Variants in CADM2 observed in about 807,000 individuals in gnomAD.
The protein encoded by CADM2 is cell adhesion molecule 2, also known as immunoglobulin superfamily member 4D.
A neutral mutation model predicts 49.8 loss-of-function variants in CADM2; 12 were observed. That is an observed-to-expected ratio of 0.24 (90% CI 0.15 to 0.39). CADM2 has a LOEUF of 0.39. Among genes scored for constraint, CADM2 ranks in the 10% least tolerant of loss-of-function variants. The pLI is 1.00. For missense variants in CADM2, 378 were observed against 492.3 expected (o/e 0.77, Z 2.20); for synonymous variants, 214 against 175.4 (o/e 1.22, Z -1.74).
intron 1 of CADM2, among the ~76,000 whole-genome samples, chr3:85,052,075 A>C (rs772877993): frequency 6.6e-6 from 1 of 152,178 alleles, no homozygotes; most frequent in Non-Finnish European, 1.5e-5. Flanking sequence ...TGAATATAAA[A>C]TCTAGAGGAG....
At chr3:85,426,776 T>C (rs2036426872) in intron 1 of CADM2, among the ~76,000 whole-genome samples, 1 of 152,088 alleles carries the variant, frequency 6.6e-6, no homozygotes. Context: ...GTAGAGGAAG[T>C]CTGGGAAAAG....
chr3:85,151,038 A>G (rs368841167), intron 1 of CADM2, among the ~76,000 whole-genome samples: 146 of 152,112 alleles, frequency 9.6e-4, no homozygotes, highest in Non-Finnish European at 1.8e-3. Flanking sequence ...GAATTTTGGA[A>G]TTTTCTTCCA....
intron 1 of CADM2, among the ~76,000 whole-genome samples, chr3:85,228,731 G>C (rs2042217233): frequency 6.6e-6 from 1 of 152,038 alleles, no homozygotes. Flanking sequence ...TTGCCAGCTA[G>C]AGCTCTCCTG....
intron 1 of CADM2, among the ~76,000 whole-genome samples, chr3:85,501,368 A>G (rs1439002689): frequency 6.6e-6 from 1 of 152,184 alleles, no homozygotes; most frequent in Non-Finnish European, 1.5e-5. Flanking sequence ...GATGCAGAGT[A>G]AACCATTTTC....
At chr3:85,588,773 G>C (rs1304559207) in intron 1 of CADM2, among the ~76,000 whole-genome samples, 3 of 151,878 alleles carry the variant, frequency 2.0e-5, no homozygotes, top group Non-Finnish European at 4.4e-5. Context: ...TCAGCATCAG[G>C]GCAGACACTC....
chr3:85,688,111 G>A (rs1351182309), intron 1 of CADM2, among the ~76,000 whole-genome samples: 2 of 152,174 alleles, frequency 1.3e-5, no homozygotes, highest in South Asian at 2.1e-4. Flanking sequence ...ACCAGTCCTC[G>A]GTGCCAAAAT....
chr3:85,979,424 G>A lies in CADM2; in HGVS notation c.970+17777G>A, dbSNP rs1420353632. The A allele has an allele frequency of 7.8e-6, 7 of 893,006 alleles. No homozygotes were observed. In the East Asian group the frequency reaches 1.6e-4, roughly 20 times the overall value. The allele number at this position is 893,006 out of a possible 1,614,324, so 55.3% of individuals were successfully genotyped here. On this transcript the variant is annotated intron_variant, in intron 8 of 9. Coordinates refer to ENST00000383699, the MANE Select transcript of CADM2 (RefSeq NM_001167675.2). ...AAGTCACCTAAATTGCTATCAATTAGGGTTATTGGAATAGAATATGAGAAA... is the reference window on the plus strand; with the variant it reads ...AAGTCACCTAAATTGCTATCAATTAAGGTTATTGGAATAGAATATGAGAAA...
intron 1 of CADM2, among the ~76,000 whole-genome samples, chr3:85,645,302 A>G (rs987778084): frequency 6.6e-6 from 1 of 152,088 alleles, no homozygotes; most frequent in South Asian, 2.1e-4. Flanking sequence ...TTGTTGCAGC[A>G]GTTAAAAGAC....
At chr3:85,059,193 C>T (rs922463047) in intron 1 of CADM2, among the ~76,000 whole-genome samples, 2 of 151,484 alleles carry the variant, frequency 1.3e-5, no homozygotes, top group Non-Finnish European at 2.9e-5. Context: ...GAGCCGAGAT[C>T]GCGCCACTGC....
chr3:85,477,140 G>A (rs182822749), intron 1 of CADM2, among the ~76,000 whole-genome samples: 4 of 151,520 alleles, frequency 2.6e-5, no homozygotes, highest in South Asian at 2.1e-4. Flanking sequence ...CCCAAACCTC[G>A]AGAGGCAAGA....
chr3:85,526,362 AT>A (rs1447856691), intron 1 of CADM2, among the ~76,000 whole-genome samples: 2 of 152,184 alleles, frequency 1.3e-5, no homozygotes, highest in Non-Finnish European at 2.9e-5. Context: ...TCTAACAGGA[AT>A]TTAAATCTCA....
chr3:85,244,063 A>G (rs983162356), intron 1 of CADM2, among the ~76,000 whole-genome samples: 1 of 152,244 alleles, frequency 6.6e-6, no homozygotes, highest in South Asian at 2.1e-4. Flanking sequence ...TATTTTCTAC[A>G]CTTGAGATAG....
At chr3:85,406,666 T>C (rs937462702) in intron 1 of CADM2, among the ~76,000 whole-genome samples, 3 of 152,152 alleles carry the variant, frequency 2.0e-5, no homozygotes, top group Non-Finnish European at 4.4e-5. Flanking sequence ...GTTAGTAAAA[T>C]GGAACTACCC....
At chr3:85,683,055 A>G (rs1236406212) in intron 1 of CADM2, among the ~76,000 whole-genome samples, 1 of 152,122 alleles carries the variant, frequency 6.6e-6, no homozygotes, top group Non-Finnish European at 1.5e-5. Context: ...AGGGTTTATT[A>G]TTCTGGTGTC....
intron 1 of CADM2, among the ~76,000 whole-genome samples, chr3:84,994,291 T>G (rs4856556): frequency 0.047 from 7,208 of 152,238 alleles, 218 homozygotes; most frequent in Admixed American, 0.089. Context: ...TGAAGTTCCC[T>G]TTTACTTCAA....
rs899897963 is a variant in CADM2, at chr3:86,074,256, T to G, written c.*7473T>G. The G allele has an allele frequency of 1.1e-4, 17 of 152,010 alleles. No homozygotes were observed. The highest frequency in any genetic ancestry group is 2.4e-4 in the Non-Finnish European group (16 of 67,886). The allele number at this position is 152,010 out of a possible 1,614,324, so 9.4% of individuals were successfully genotyped here. ...AAGCTTTTAAATTTATGGAGGATTT[T>G]CTTTGTGTCTTTGGAAGTTCACTTA... On this transcript the variant is annotated 3_prime_UTR_variant, in exon 10 of 10. Coordinates refer to ENST00000383699, the MANE Select transcript of CADM2 (RefSeq NM_001167675.2).
chr3:85,407,357 T>C (rs1026746378), intron 1 of CADM2, among the ~76,000 whole-genome samples: 1 of 152,202 alleles, frequency 6.6e-6, no homozygotes, highest in African/African-American at 2.4e-5. Context: ...CATTCTCTTC[T>C]TCATTGCCCA....
intron 1 of CADM2, among the ~76,000 whole-genome samples, chr3:85,355,132 G>T (rs1418089585): frequency 6.6e-6 from 1 of 152,068 alleles, no homozygotes; most frequent in African/African-American, 2.4e-5. Context: ...ATCCAGGACG[G>T]TGGTCAGTTT....
At position 85,395,296 on chromosome 3, in the gene CADM2, C is replaced by CAAAAAAAAAAAAAAAAA. The variant is rs58315220; in HGVS notation, c.62-331222_62-331206dup. ...CTGGGCAATAGAGAAAGACTCCATA[C>CAAAAAAAAAAAAAAAAA]AAAAAAAAAAAAAAAAAAAAGGAAA... On this transcript the variant is annotated intron_variant, in intron 1 of 9. Transcript: ENST00000383699. 2.6e-5 allele frequency among the ~76,000 whole-genome samples: 2 copies of CAAAAAAAAAAAAAAAAA among 75,550 alleles called. 1 individual carries two copies. The highest frequency in any genetic ancestry group is 5.5e-5 in the Non-Finnish European group (2 of 36,466). 49.6% of individuals were successfully genotyped at this position (75,550 alleles called of 152,430 possible).
Sources: allele counts gnomAD v4.1 joint callset (sites outside exome capture counted in the v4.1 genomes callset), GRCh38; gene constraint gnomAD v4.1.1; transcripts MANE v1.5; gene names NCBI Gene and HGNC (gene_info 2026-07-23, HGNC 2026-07-21).